The following C10orf67 variants were observed in gnomAD, a reference collection of about 807,000 sequenced individuals.
The protein encoded by C10orf67 is chromosome 10 open reading frame 67.
A neutral mutation model predicts 35.6 loss-of-function variants in C10orf67; 60 were observed. The observed-to-expected ratio is 1.68, with a 90% CI of 1.37 to 2.09. The LOEUF (loss-of-function observed/expected upper bound fraction) is 2.09. Ranked by LOEUF, C10orf67 falls within the 30% of genes most tolerant of loss-of-function variation. The pLI is 0.00. For missense variants in C10orf67, 474 were observed against 330.2 expected (o/e 1.44, Z -3.38); for synonymous variants, 167 against 115.8 (o/e 1.44, Z -2.84).
chr10:23,232,768 T>G (rs1446546289), intron 13 of C10orf67, among the ~76,000 whole-genome samples: 2 of 152,172 alleles, frequency 1.3e-5, no homozygotes, highest in Non-Finnish European at 2.9e-5. Context: ...GAGAATGTCA[T>G]TAACTATGGA....
chr10:23,210,280 G>C (rs1373716851), intron 15 of C10orf67, among the ~76,000 whole-genome samples: 1 of 152,282 alleles, frequency 6.6e-6, no homozygotes, highest in East Asian at 1.9e-4. Context: ...GCAAAGGAGA[G>C]AGTAAGAAAA....
intron 7 of C10orf67, among the ~76,000 whole-genome samples, chr10:23,289,311 G>A (rs888612322): frequency 2.0e-5 from 3 of 152,054 alleles, no homozygotes; most frequent in Admixed American, 6.6e-5. Context: ...CTACAGATAT[G>A]TGCCACCACA....
At chr10:23,212,913 C>G (rs2132089135) in intron 15 of C10orf67, among the ~76,000 whole-genome samples, 1 of 152,042 alleles carries the variant, frequency 6.6e-6, no homozygotes, top group South Asian at 2.1e-4. Context: ...AACATGAATT[C>G]ACTCCAGGTA....
intron 15 of C10orf67, among the ~76,000 whole-genome samples, chr10:23,215,018 G>A (rs905966922): frequency 2.0e-5 from 3 of 152,056 alleles, no homozygotes; most frequent in African/African-American, 7.2e-5. Context: ...CCAAGACTCT[G>A]TCTCAGAAAA....
chr10:23,333,643 G>T (rs1448742714), intron 1 of C10orf67, among the ~76,000 whole-genome samples: 1 of 152,094 alleles, frequency 6.6e-6, no homozygotes, highest in Non-Finnish European at 1.5e-5. Flanking sequence ...GATTTTATTT[G>T]TCTTTTTACT....
intron 2 of C10orf67, among the ~76,000 whole-genome samples, chr10:23,323,185 G>A (rs1293916394): frequency 6.6e-6 from 1 of 152,198 alleles, no homozygotes; most frequent in Non-Finnish European, 1.5e-5. Flanking sequence ...TTCTCAAGAT[G>A]TGGATTTCAG....
intron 15 of C10orf67, among the ~76,000 whole-genome samples, chr10:23,204,946 G>A (rs1460738649): frequency 6.6e-6 from 1 of 152,194 alleles, no homozygotes; most frequent in Non-Finnish European, 1.5e-5. Flanking sequence ...AGTGAAAGCC[G>A]GGAGCGTGGA....
At chr10:23,219,585 T>C (rs16923120) in intron 15 of C10orf67, among the ~76,000 whole-genome samples, 4,601 of 152,290 alleles carry the variant, frequency 0.03, 219 homozygotes, top group African/African-American at 0.1. Context: ...CAGATAGTAT[T>C]GTACCTCATT....
chr10:23,210,593 T>C (rs748118540), intron 15 of C10orf67, among the ~76,000 whole-genome samples: 11 of 152,102 alleles, frequency 7.2e-5, no homozygotes, highest in Non-Finnish European at 1.3e-4. Flanking sequence ...CTAATTTTTG[T>C]ATTTTTAGTA....
chr10:23,303,137 T>G (rs1407368600), intron 5 of C10orf67, among the ~76,000 whole-genome samples, 167 bp downstream of exon 5: 2 of 152,220 alleles, frequency 1.3e-5, no homozygotes, highest in African/African-American at 2.4e-5. Flanking sequence ...TGTTATGGGT[T>G]TTCTAGAATA....
chr10:23,263,360 T>C (rs1342750860), intron 10 of C10orf67, among the ~76,000 whole-genome samples: 3 of 152,204 alleles, frequency 2.0e-5, no homozygotes, highest in Non-Finnish European at 4.4e-5. Context: ...TAATATTATA[T>C]ACCTATAGTA....
At chr10:23,332,934 T>C (rs1757154246) in intron 2 of C10orf67, 128 bp downstream of exon 2, 5 of 861,204 alleles carry the variant, frequency 5.8e-6, no homozygotes, top group African/African-American at 1.7e-5. Flanking sequence ...ACAGCTATCA[T>C]TCAGCTGTTT....
intron 4 of C10orf67, among the ~76,000 whole-genome samples, chr10:23,305,852 T>C (rs765843032): frequency 1.6e-4 from 24 of 152,178 alleles, no homozygotes; most frequent in Non-Finnish European, 3.5e-4. Flanking sequence ...AATAAAATCA[T>C]GATCTTAAAG....
chr10:23,319,971 C>T (rs1844879998), intron 4 of C10orf67, among the ~76,000 whole-genome samples: 1 of 152,146 alleles, frequency 6.6e-6, no homozygotes, highest in Non-Finnish European at 1.5e-5. Flanking sequence ...CCACTGTCTG[C>T]CACAGGTACA....
intron 1 of C10orf67, chr10:23,343,994 T>C (rs1346220983): frequency 2.2e-6 from 1 of 447,086 alleles, no homozygotes; most frequent in East Asian, 8.1e-5. Context: ...TCGCCCCAGT[T>C]CGCCATTGCA....
intron 15 of C10orf67, among the ~76,000 whole-genome samples, 195 bp from the exon 16 acceptor site, chr10:23,204,450 T>G (rs1462792518): frequency 6.6e-6 from 1 of 152,178 alleles, no homozygotes; most frequent in Non-Finnish European, 1.5e-5. Context: ...CAGATTATCC[T>G]TGGCCTTCCA....
chr10:23,258,699 T>C (rs942626294), intron 10 of C10orf67, among the ~76,000 whole-genome samples: 1 of 152,216 alleles, frequency 6.6e-6, no homozygotes, highest in Non-Finnish European at 1.5e-5. Flanking sequence ...CCAAAGATGT[T>C]AACTGAGCTT....
chr10:23,227,763 C>A (rs1841781354), intron 13 of C10orf67, among the ~76,000 whole-genome samples: 1 of 152,106 alleles, frequency 6.6e-6, no homozygotes, highest in African/African-American at 2.4e-5. Flanking sequence ...AATCAATGTG[C>A]AAAAATAACA....
chr10:23,322,841 T>C (rs549747800), intron 2 of C10orf67, among the ~76,000 whole-genome samples: 2 of 152,104 alleles, frequency 1.3e-5, no homozygotes, highest in Non-Finnish European at 2.9e-5. Context: ...AGTTAAAATA[T>C]ATATATATAT....
Sources: gnomAD v4.1 joint callset for allele counts (sites outside exome capture counted in the v4.1 genomes callset) on GRCh38, gnomAD v4.1.1 for gene constraint, MANE v1.5 for transcripts, NCBI Gene and HGNC (gene_info 2026-07-23, HGNC 2026-07-21) for gene names.